Variants in PDE2A observed in about 807,000 individuals in gnomAD.
PDE2A encodes cGMP-dependent 3',5'-cyclic phosphodiesterase.
A neutral mutation model predicts 133.6 loss-of-function variants in PDE2A; 53 were observed. The ratio of observed to expected loss-of-function variants is 0.40; its 90% confidence interval spans 0.32 to 0.50. The LOEUF is 0.50. PDE2A is among the 20% of genes least tolerant of loss of function. The pLI is 0.73. For synonymous variants in PDE2A, 491 were observed against 490.2 expected, an observed-to-expected ratio of 1.00 and a Z score of -0.02; for missense variants, 796 against 1,232.4, an observed-to-expected ratio of 0.65 and a Z score of 5.30.
At chr11:72,628,572 A>T (rs1309935924) in intron 2 of PDE2A, among the ~76,000 whole-genome samples, 1 of 152,064 alleles carries the variant, frequency 6.6e-6, no homozygotes, top group African/African-American at 2.4e-5. Flanking sequence ...CTTGTGATCC[A>T]CCTGCCTTGG....
chr11:72,578,443 A>C lies in PDE2A; in HGVS notation c.2508+33T>G. 1 of 1,600,840 alleles carries C rather than the reference A, an allele frequency of 6.2e-7. No homozygotes were observed. ...TGTCCCAGGCCAGGAACCCTCCCCC[A>C]TCCTGGACATCCTGGGGTCACTCCA... is the stretch of plus-strand genomic sequence containing the variant. On this transcript the variant is annotated intron_variant, in intron 29 of 30. Transcript: ENST00000334456. This position sits in a 1 kb window ranked among gnomAD's most constrained non-coding sequence, Gnocchi z 4.2.
At chr11:72,641,973 G>A (rs964988603) in intron 2 of PDE2A, among the ~76,000 whole-genome samples, 10 of 152,230 alleles carry the variant, frequency 6.6e-5, no homozygotes, top group African/African-American at 2.4e-4. Flanking sequence ...TCGAGGCTTG[G>A]GCACAGCTCT....
chr11:72,629,799 C>A (rs536997525), intron 2 of PDE2A, among the ~76,000 whole-genome samples: 2 of 152,192 alleles, frequency 1.3e-5, no homozygotes, highest in African/African-American at 2.4e-5. Context: ...GCTGAATGAT[C>A]CCTCTGGGCC....
chr11:72,595,361 T>C (rs189322110), intron 6 of PDE2A, among the ~76,000 whole-genome samples: 1 of 151,908 alleles, frequency 6.6e-6, no homozygotes, highest in East Asian at 1.9e-4. Flanking sequence ...GAGCAAAGAA[T>C]AGGGGGAGGC....
At chr11:72,656,330 A>G (rs1854900693) in intron 1 of PDE2A, among the ~76,000 whole-genome samples, 1 of 152,140 alleles carries the variant, frequency 6.6e-6, no homozygotes, top group Admixed American at 6.5e-5. Flanking sequence ...CAGGCCCAAT[A>G]TCAGGCCCCA....
At chr11:72,579,507 T>TAC in intron 26 of PDE2A, 27 bp downstream of exon 26, 23 of 1,354,126 alleles carry the variant, frequency 1.7e-5, no homozygotes, top group Non-Finnish European at 2.3e-5. Flanking sequence ...TCCCCCTCAA[T>TAC]CCCCACCCCA....
Position 72,587,359 on chromosome 11 carries a change from G to A in PDE2A, c.1071-1178C>T, listed in dbSNP as rs375719548. On this transcript the variant is annotated intron_variant, in intron 13 of 30. Transcript: ENST00000334456. ...TGGCTACTTAGCTGTGTTTCAGGAA[G>A]CTTCTCTGTAGTCACTGCACTGAGC... Among the ~76,000 whole-genome samples the A allele has an allele frequency of 1.3e-4, 20 of 152,284 alleles. 1 individual carries two copies. The South Asian group carries it at 3.9e-3, about 30-fold the overall frequency.
intron 2 of PDE2A, among the ~76,000 whole-genome samples, chr11:72,612,772 G>A (rs1857273146): frequency 6.6e-6 from 1 of 152,012 alleles, no homozygotes; most frequent in Non-Finnish European, 1.5e-5. Flanking sequence ...GCTCTCTCCA[G>A]CTCCACCTGC....
chr11:72,668,318 C>T, intron 1 of PDE2A: 1 of 718,762 alleles, frequency 1.4e-6, no homozygotes, highest in Non-Finnish European at 2.6e-6. Flanking sequence ...GCGATTTCCC[C>T]TCCTGGATCC....
At chr11:72,643,790 G>A (rs1297020100) in intron 1 of PDE2A, among the ~76,000 whole-genome samples, 1 of 152,194 alleles carries the variant, frequency 6.6e-6, no homozygotes, top group Non-Finnish European at 1.5e-5. Context: ...AGCCTTGGCA[G>A]AGCCCGGCCA....
At chr11:72,612,412 A>G (rs2135372473) in intron 2 of PDE2A, among the ~76,000 whole-genome samples, 1 of 152,148 alleles carries the variant, frequency 6.6e-6, no homozygotes, top group African/African-American at 2.4e-5. Flanking sequence ...CAGCATAAAA[A>G]CCAGGCAATT....
chr11:72,596,543 C>T (rs373729883), intron 6 of PDE2A, 50 bp downstream of exon 6: 12 of 1,106,694 alleles, frequency 1.1e-5, no homozygotes, highest in Admixed American at 2.6e-5. Context: ...TCCACCACTC[C>T]CTCCCATGGT....
intron 1 of PDE2A, among the ~76,000 whole-genome samples, chr11:72,666,395 T>C (rs1314371331): frequency 1.3e-5 from 2 of 152,186 alleles, no homozygotes; most frequent in East Asian, 3.9e-4. Context: ...TAAGAGTTCC[T>C]GGGGAGAATG....
At chr11:72,624,494 CTTTG>C (rs1311963860) in intron 2 of PDE2A, among the ~76,000 whole-genome samples, 2 of 152,190 alleles carry the variant, frequency 1.3e-5, no homozygotes, top group Admixed American at 1.3e-4. Context: ...CATGTCATGC[CTTTG>C]TTTACACACT....
At chr11:72,621,367 T>C (rs1042760635) in intron 2 of PDE2A, among the ~76,000 whole-genome samples, 2 of 152,212 alleles carry the variant, frequency 1.3e-5, no homozygotes, top group African/African-American at 4.8e-5. Flanking sequence ...CTGAGCCCAC[T>C]TGAATCACAT....
At chr11:72,619,420 CTA>C (rs956432230) in intron 2 of PDE2A, among the ~76,000 whole-genome samples, 3 of 152,086 alleles carry the variant, frequency 2.0e-5, no homozygotes, top group Admixed American at 6.6e-5. Flanking sequence ...TCATGGCAGA[CTA>C]TGTTCCCTGG....
At chr11:72,635,476 T>G (rs2135425302) in intron 2 of PDE2A, among the ~76,000 whole-genome samples, 1 of 152,322 alleles carries the variant, frequency 6.6e-6, no homozygotes. Context: ...TGTCCGTATC[T>G]CTAGCTCCTA....
rs546350832 is a variant in PDE2A at position 72,668,476 on chromosome 11, T to G, written c.71+5661A>C. Reference sequence around the variant, plus strand: ...AATTATGGCTTAATACTTCTATCCCTGCTCCTACCTGCACCCCCCAACACA... The same window carrying G: ...AATTATGGCTTAATACTTCTATCCCGGCTCCTACCTGCACCCCCCAACACA... On this transcript the variant is annotated intron_variant, in intron 1 of 30. Coordinates refer to ENST00000334456, the MANE Select transcript of PDE2A (RefSeq NM_002599.5). The G allele has an allele frequency of 6.4e-5, 45 of 704,390 alleles. No homozygotes were observed. In the African/African-American group the frequency reaches 7.3e-4, roughly 11 times the overall value. 43.6% of individuals were successfully genotyped at this position (704,390 alleles called of 1,614,324 possible).
Position 72,589,943 on chromosome 11 carries a change from C to A in PDE2A, c.795G>T (p.Leu265=), listed in dbSNP as rs1340445137. 6.2e-7 allele frequency: 1 copy of A among 1,613,142 alleles called. No individual in the cohort carries two copies. Among genetic ancestry groups the A allele is most frequent in the Non-Finnish European group, 8.5e-7 (1 of 1,179,854 alleles). ...GCTGGAGATTGTCCTCCGACACCAG[C>A]AGGAGGCAGCAGCGGGATGCCCGGG... ...QETRASRCCL[L]LVSEDNLQLS... is the part of the protein sequence containing the mutation. Residue 265 remains leucine (L), a synonymous_variant, in exon 10 of 31, where the codon CTG becomes CTT. Transcript: ENST00000334456.
Sources: gnomAD v4.1 joint callset for allele counts (sites outside exome capture counted in the v4.1 genomes callset) on GRCh38, gnomAD v4.1.1 for gene constraint, Gnocchi (gnomAD v3.1) non-coding constraint, MANE v1.5 for transcripts, NCBI Gene and HGNC (gene_info 2026-07-23, HGNC 2026-07-21) for gene names.